The following ASIC2 variants were observed in gnomAD, a reference collection of about 807,000 sequenced individuals.
The protein encoded by ASIC2 is acid-sensing ion channel 2.
Under a neutral mutation model 57.3 loss-of-function variants are expected in ASIC2, and 25 were observed. The ratio of observed to expected loss-of-function variants is 0.44; its 90% CI spans 0.32 to 0.61. The LOEUF (loss-of-function observed/expected upper bound fraction) is 0.61, where lower values mean the gene tolerates loss of function less well. Among genes scored for constraint, ASIC2 ranks in the 20% least tolerant of loss-of-function variants. The pLI is 0.06. For synonymous variants in ASIC2, 319 were observed against 307.5 expected (o/e 1.04, Z -0.39); for missense variants, 641 against 738.1 (o/e 0.87, Z 1.52).
intron 1 of ASIC2, among the ~76,000 whole-genome samples, chr17:33,576,984 T>C (rs1916644192): frequency 6.6e-6 from 1 of 152,244 alleles, no homozygotes; most frequent in Non-Finnish European, 1.5e-5. Flanking sequence ...GCCTGACATA[T>C]AGTATGTTCT....
chr17:33,914,050 T>C (rs6505389), intron 1 of ASIC2, among the ~76,000 whole-genome samples: 11,679 of 152,150 alleles, frequency 0.077, 828 homozygotes, highest in East Asian at 0.27. Flanking sequence ...CAGGGAATCA[T>C]AAATAAGGGA....
intron 1 of ASIC2, among the ~76,000 whole-genome samples, chr17:33,637,308 C>G (rs569258891): frequency 6.6e-6 from 1 of 152,174 alleles, no homozygotes; most frequent in South Asian, 2.1e-4. Flanking sequence ...AGCAGCTCGG[C>G]TCCTAGATCT....
intron 1 of ASIC2, among the ~76,000 whole-genome samples, chr17:33,951,757 A>ATTT (rs11418012): frequency 1.5e-5 from 2 of 135,634 alleles, no homozygotes; most frequent in Non-Finnish European, 3.1e-5. Flanking sequence ...TAATTTTTGT[A>ATTT]TTTTTTTTTT....
At chr17:33,543,446 G>A (rs1227100271) in intron 1 of ASIC2, among the ~76,000 whole-genome samples, 1 of 152,140 alleles carries the variant, frequency 6.6e-6, no homozygotes, top group Non-Finnish European at 1.5e-5. Flanking sequence ...AACAGTGAAA[G>A]CTTGAAAGTA....
chr17:33,526,476 C>T (rs962318244), intron 1 of ASIC2, among the ~76,000 whole-genome samples: 1 of 152,172 alleles, frequency 6.6e-6, no homozygotes, highest in African/African-American at 2.4e-5. Flanking sequence ...CAGCATGTCC[C>T]CCGGAGCTGA....
intron 1 of ASIC2, among the ~76,000 whole-genome samples, chr17:33,492,248 T>C (rs982363942): frequency 2.6e-5 from 4 of 152,230 alleles, no homozygotes; most frequent in African/African-American, 4.8e-5. Flanking sequence ...GCTATTACTG[T>C]TCCCATTTCA....
At chr17:33,720,641 T>A (rs1351003651) in intron 1 of ASIC2, among the ~76,000 whole-genome samples, 1 of 151,866 alleles carries the variant, frequency 6.6e-6, no homozygotes, top group Non-Finnish European at 1.5e-5. Flanking sequence ...ATGGACAGAG[T>A]TGTTAGGTGA....
chr17:33,598,253 T>C lies in ASIC2; in HGVS notation c.556-486186A>G, dbSNP rs79558901. On this transcript the variant is annotated intron_variant, in intron 1 of 9. Transcript: ENST00000359872. ...CTCGCTTTTAACTCATGGTTGAATA[T>C]GTGGCTGCCTTCTCTTATTGGCTAA... is the stretch of plus-strand genomic sequence containing the variant. Among the ~76,000 whole-genome samples, 46 of 152,366 alleles carry C rather than the reference T, an allele frequency of 3.0e-4. No homozygotes were observed. In the East Asian group the frequency reaches 5.4e-3, roughly 18 times the overall value.
rs555354480 is a variant in ASIC2 at position 33,347,384 on chromosome 17, G to A, written c.556-235317C>T. Reference sequence around the variant, plus strand: ...GCAGGAGTTTTTGAGTAGAGTAAAAGGTATGAAACAGTCGTTACAAAGAAT... The same window carrying A: ...GCAGGAGTTTTTGAGTAGAGTAAAAAGTATGAAACAGTCGTTACAAAGAAT... On this transcript the variant is annotated intron_variant, in intron 1 of 9. Coordinates refer to the ASIC2 transcript ENST00000359872. 1.9e-4 allele frequency among the ~76,000 whole-genome samples: 29 copies of A among 152,288 alleles called. 1 individual carries two copies. The highest frequency in any genetic ancestry group is 6.7e-4 in the African/African-American group (28 of 41,564).
intron 1 of ASIC2, among the ~76,000 whole-genome samples, chr17:33,687,302 G>A (rs1044436522): frequency 6.6e-6 from 1 of 152,158 alleles, no homozygotes; most frequent in African/African-American, 2.4e-5. Flanking sequence ...TTGGAATCTG[G>A]AGGGAGAGGA....
At chr17:33,946,368 A>C (rs1464513179) in intron 1 of ASIC2, among the ~76,000 whole-genome samples, 1 of 152,154 alleles carries the variant, frequency 6.6e-6, no homozygotes, top group Non-Finnish European at 1.5e-5. Flanking sequence ...GCTGTAGCAA[A>C]AGTGCCAACA....
At chr17:33,356,805 G>C (rs558752932) in intron 1 of ASIC2, among the ~76,000 whole-genome samples, 1 of 151,972 alleles carries the variant, frequency 6.6e-6, no homozygotes, top group African/African-American at 2.4e-5. Flanking sequence ...CTGCAATCAC[G>C]GGCTTGATGC....
intron 1 of ASIC2, among the ~76,000 whole-genome samples, chr17:33,428,408 A>G (rs1911290146): frequency 6.6e-6 from 1 of 152,184 alleles, no homozygotes; most frequent in Non-Finnish European, 1.5e-5. Flanking sequence ...TCAACAAAGC[A>G]GGGATTAGGT....
chr17:33,512,933 G>C (rs917374671), intron 1 of ASIC2, among the ~76,000 whole-genome samples: 8 of 152,238 alleles, frequency 5.3e-5, no homozygotes, highest in African/African-American at 1.9e-4. Flanking sequence ...AAACCTGAAG[G>C]CCAGGGAAGG....
At chr17:33,809,911 T>TTC (rs1221016735) in intron 1 of ASIC2, among the ~76,000 whole-genome samples, 3 of 152,226 alleles carry the variant, frequency 2.0e-5, no homozygotes, top group Admixed American at 6.5e-5. Flanking sequence ...GCAAGGACTA[T>TTC]TCTCATATCC....
intron 1 of ASIC2, among the ~76,000 whole-genome samples, chr17:33,577,523 T>C (rs1259563190): frequency 1.3e-5 from 2 of 152,122 alleles, no homozygotes; most frequent in Non-Finnish European, 2.9e-5. Flanking sequence ...CTTCCCAACC[T>C]GGCACAGCAT....
chr17:33,330,345 C>A (rs1907261366), intron 1 of ASIC2, among the ~76,000 whole-genome samples: 1 of 152,204 alleles, frequency 6.6e-6, no homozygotes, highest in Non-Finnish European at 1.5e-5. Flanking sequence ...AGTGGCTGGA[C>A]TTCTGGCCTC....
chr17:33,512,016 A>C (rs1914444166), intron 1 of ASIC2, among the ~76,000 whole-genome samples: 1 of 152,228 alleles, frequency 6.6e-6, no homozygotes. Flanking sequence ...AGGGGAAAGC[A>C]CATCTTATTT....
chr17:33,707,639 G>T (rs139030324), intron 1 of ASIC2, among the ~76,000 whole-genome samples: 3 of 152,078 alleles, frequency 2.0e-5, no homozygotes, highest in Non-Finnish European at 4.4e-5. Context: ...GAGTTTCCCC[G>T]CATAGTTTTC....
Sources: gnomAD v4.1 joint callset for allele counts (sites outside exome capture counted in the v4.1 genomes callset) on GRCh38, gnomAD v4.1.1 for gene constraint, MANE v1.5 for transcripts, NCBI Gene and HGNC (gene_info 2026-07-23, HGNC 2026-07-21) for gene names.